The following PHTF1 variants were observed in gnomAD, a reference collection of about 807,000 sequenced individuals.
PHTF1 encodes the protein protein PHTF1.
Under a neutral mutation model 102.4 loss-of-function variants are expected in PHTF1, and 88 were observed. The observed-to-expected ratio is 0.86, with a 90% confidence interval of 0.72 to 1.03. The LOEUF is 1.03. PHTF1 is among the 50% of genes least tolerant of loss of function. The pLI is 0.00. For missense variants in PHTF1, 814 were observed against 909.5 expected, an observed-to-expected ratio of 0.89 and a Z score of 1.35; for synonymous variants, 289 against 305.2, an observed-to-expected ratio of 0.95 and a Z score of 0.55.
intron 1 of PHTF1, 144 bp downstream of exon 1, chr1:113,758,879 C>CAA: frequency 9.1e-6 from 11 of 1,213,608 alleles, no homozygotes; most frequent in South Asian, 4.7e-5. Context: ...AACAAACAAA[C>CAA]AAAAAAAAAC....
intron 5 of PHTF1, among the ~76,000 whole-genome samples, chr1:113,734,289 AC>A (rs1319013870): frequency 6.6e-6 from 1 of 152,106 alleles, no homozygotes; most frequent in Non-Finnish European, 1.5e-5. Flanking sequence ...ACAAACAAAA[AC>A]AAAGAAAGAA....
At chr1:113,715,037 C>A (rs1318917673) in intron 7 of PHTF1, 2 of 152,298 alleles carry the variant, frequency 1.3e-5, no homozygotes, top group Non-Finnish European at 2.9e-5. Context: ...AAGGCAGTAA[C>A]CTCTACAAGT....
At chr1:113,757,627 A>G in intron 3 of PHTF1, 72 bp downstream of exon 3, 1 of 958,152 alleles carries the variant, frequency 1.0e-6, no homozygotes, top group Non-Finnish European at 1.7e-6. Context: ...TGCAGAGTTT[A>G]CCAGGTAAGT....
intron 7 of PHTF1, among the ~76,000 whole-genome samples, chr1:113,718,293 G>A (rs940551935): frequency 6.6e-6 from 1 of 152,220 alleles, no homozygotes; most frequent in African/African-American, 2.4e-5. Context: ...GATGCAAAAG[G>A]TGGGTTCACA....
At chr1:113,698,432 A>T in intron 17 of PHTF1, 45 bp from the exon 18 acceptor site, 1 of 1,582,144 alleles carries the variant, frequency 6.3e-7, no homozygotes, top group Non-Finnish European at 8.7e-7. Context: ...ATGTTTTCTC[A>T]TAGCTACTCA....
At chr1:113,701,364 T>A (rs1179800293) in intron 15 of PHTF1, among the ~76,000 whole-genome samples, 2 of 152,230 alleles carry the variant, frequency 1.3e-5, no homozygotes, top group African/African-American at 2.4e-5. Flanking sequence ...TTCTTTATTC[T>A]GTTTTAGGCT....
rs148397701 is a variant in PHTF1 at position 113,710,405 on chromosome 1, C to T, written c.1118G>A (p.Arg373His). The T allele has an allele frequency of 5.0e-6, 8 of 1,614,084 alleles. No individual in the cohort carries two copies. Among genetic ancestry groups the T allele is most frequent in the East Asian group, 2.2e-5 (1 of 44,876 alleles). Residue 373 changes from arginine (R) to histidine (H), a missense_variant, in exon 11 of 19, where the codon CGC becomes CAC. Coordinates refer to ENST00000369604, the MANE Select transcript of PHTF1 (RefSeq NM_001323043.2). The part of the protein sequence containing the change: ...NMSRRDSEST[R>H]HDSETEDMLW... ...CATGTCCTCAGTCTCCGAGTCATGG[C>T]GGGTGCTTTCTGAGTCTCTTCTTGA...
chr1:113,756,964 G>A (rs1026543034), intron 3 of PHTF1, among the ~76,000 whole-genome samples: 2 of 151,994 alleles, frequency 1.3e-5, no homozygotes, highest in Admixed American at 6.6e-5. Context: ...TCAGGAGATC[G>A]AGACCATCCT....
At chr1:113,727,508 A>C (rs1385215326) in intron 5 of PHTF1, among the ~76,000 whole-genome samples, 1 of 152,256 alleles carries the variant, frequency 6.6e-6, no homozygotes, top group Non-Finnish European at 1.5e-5. Context: ...AGTGAATTTG[A>C]CATTTAAAAG....
intron 3 of PHTF1, among the ~76,000 whole-genome samples, chr1:113,756,869 C>T (rs1177349788): frequency 1.3e-5 from 2 of 152,050 alleles, no homozygotes; most frequent in African/African-American, 4.8e-5. Flanking sequence ...ACCTGAAAAA[C>T]TTAAAACCAT....
rs140023525 is a variant in PHTF1 at position 113,730,631 on chromosome 1, C to T, written c.332-4057G>A. On this transcript the variant is annotated intron_variant, in intron 5 of 18. Transcript: ENST00000369604. ...AGTTTAATAAAGCGGCTGGTTATAACAATTTTAATTATAAACCAATAGCTT... is the reference window on the plus strand; with the variant it reads ...AGTTTAATAAAGCGGCTGGTTATAATAATTTTAATTATAAACCAATAGCTT... 5.0e-3 allele frequency among the ~76,000 whole-genome samples: 767 copies of T among 152,250 alleles called. 3 individuals carry two copies. The highest frequency in any genetic ancestry group is 0.018 in the African/African-American group (740 of 41,538).
intron 7 of PHTF1, among the ~76,000 whole-genome samples, chr1:113,717,044 C>T (rs541960765): frequency 1.3e-4 from 20 of 151,964 alleles, no homozygotes; most frequent in African/African-American, 4.8e-4. Context: ...ATACAAACAA[C>T]AAAAAGTTAA....
rs1401646019 is a variant in PHTF1 at position 113,734,191 on chromosome 1, C to T, written c.331+3919G>A. 3.9e-5 allele frequency among the ~76,000 whole-genome samples: 6 copies of T among 152,120 alleles called. No homozygotes were observed. In the South Asian group the frequency reaches 8.3e-4, roughly 21 times the overall value. Reference sequence around the variant, plus strand: ...AGGAGAATCACTTGAACCTGGGAGGCGGAGGTTGCAGTGAGCCAAGATCAC... The same window carrying T: ...AGGAGAATCACTTGAACCTGGGAGGTGGAGGTTGCAGTGAGCCAAGATCAC... On this transcript the variant is annotated intron_variant, in intron 5 of 18. Transcript: ENST00000369604.
At chr1:113,710,496 C>CA in intron 10 of PHTF1, 21 bp from the exon 11 acceptor site, 8 of 1,542,540 alleles carry the variant, frequency 5.2e-6, no homozygotes, top group Admixed American at 1.8e-5. Context: ...AAACAAAAAG[C>CA]AAAAAATGTT....
rs772461964 is a variant in PHTF1, at chr1:113,699,846, T to C, written c.2047-47A>G. 15 of 775,774 alleles carry C rather than the reference T, an allele frequency of 1.9e-5. 2 individuals carry two copies. The highest frequency in any genetic ancestry group is 1.5e-4 in the South Asian group (9 of 62,068). The allele number at this position is 775,774 out of a possible 1,614,324, so 48.1% of individuals were successfully genotyped here. A position where few individuals can be genotyped will look rare whatever the true frequency, so the allele number is the denominator to read the frequency against. On this transcript the variant is annotated intron_variant, in intron 16 of 18. Coordinates refer to ENST00000369604, the MANE Select transcript of PHTF1 (RefSeq NM_001323043.2). ...AAGGTAAATTTCTTGGAAAAAAATA[T>C]ATATACTGCATAAAATCTGGCATAT...
chr1:113,700,186 C>A (rs1473034077), intron 16 of PHTF1: 2 of 953,376 alleles, frequency 2.1e-6, no homozygotes, highest in Non-Finnish European at 2.5e-6. Flanking sequence ...AAGATAGCTC[C>A]TTTTACTTTA....
intron 5 of PHTF1, among the ~76,000 whole-genome samples, chr1:113,731,641 C>G (rs1654657721): frequency 6.6e-6 from 1 of 151,986 alleles, no homozygotes; most frequent in Non-Finnish European, 1.5e-5. Flanking sequence ...CACCTGTAAT[C>G]CCAGCACTTT....
rs1422852496 is a variant in PHTF1, at chr1:113,711,745, C to T, written c.1047+1G>A. On this transcript the variant is annotated splice_donor_variant, in intron 10 of 18. Transcript: ENST00000369604. LOFTEE classifies it high-confidence loss of function. ...CTTGATTTCTCAAAGGGATACTTTA[C>T]CTGGCTGAAGGCTGCTGATTCAAAT... is the stretch of plus-strand genomic sequence containing the variant. The T allele has an allele frequency of 6.2e-7, 1 of 1,608,130 alleles. No homozygotes were observed. The highest frequency in any genetic ancestry group is 2.2e-5 in the East Asian group (1 of 44,844).
intron 7 of PHTF1, among the ~76,000 whole-genome samples, chr1:113,717,878 C>G (rs1006682322): frequency 6.6e-6 from 1 of 152,116 alleles, no homozygotes; most frequent in African/African-American, 2.4e-5. Context: ...CTGGGAGATA[C>G]AATTCAAGTT....
Sources: gnomAD v4.1 joint callset for allele counts (sites outside exome capture counted in the v4.1 genomes callset) on GRCh38, gnomAD v4.1.1 for gene constraint, MANE v1.5 for transcripts, NCBI Gene and HGNC (gene_info 2026-07-23, HGNC 2026-07-21) for gene names.